The following ZNF577 variants were observed in gnomAD, a reference collection of about 807,000 sequenced individuals.
ZNF577 encodes zinc finger protein 577.
In ZNF577, 14 loss-of-function variants were observed where a neutral mutation model predicts 13.9. The ratio of observed to expected loss-of-function variants is 1.00; its 90% confidence interval spans 0.66 to 1.57. ZNF577 has a LOEUF of 1.57. ZNF577 is among the 40% of genes most tolerant of loss of function. The probability of loss-of-function intolerance (pLI) is 0.00; values close to 1 mark genes in which losing one functional copy is unlikely to be tolerated. For missense variants in ZNF577, 555 were observed against 579.2 expected, an observed-to-expected ratio of 0.96 and a Z score of 0.43; for synonymous variants, 203 against 202.9, an observed-to-expected ratio of 1.00 and a Z score of 0.00.
intron 9 of ZNF577, among the ~76,000 whole-genome samples, chr19:51,833,350 T>C (rs1191701697): frequency 6.6e-6 from 1 of 152,220 alleles, no homozygotes; most frequent in African/African-American, 2.4e-5. Flanking sequence ...AGAAAACCAT[T>C]CTTTCCCATT....
intron 9 of ZNF577, among the ~76,000 whole-genome samples, chr19:51,836,728 T>C: frequency 6.6e-6 from 1 of 152,136 alleles, no homozygotes; most frequent in Non-Finnish European, 1.5e-5. Context: ...TGCTAATAAA[T>C]GCAACAACAT....
In ZNF577 at chr19:51,877,410, G is replaced by A. The variant is rs757515159; in HGVS notation, c.188-33C>T. The A allele has an allele frequency of 4.4e-5, 69 of 1,560,204 alleles. 3 individuals carry two copies. In the South Asian group the frequency reaches 6.1e-4, roughly 14 times the overall value. ...TGGGAGATCACTGAACACTTGGCAC[G>A]TGTGCTTGGGGAATGGATGAAGATG... On this transcript the variant is annotated intron_variant, in intron 4 of 5. Coordinates refer to ENST00000638348, the MANE Select transcript of ZNF577 (RefSeq NM_001370449.1).
intron 5 of ZNF577, among the ~76,000 whole-genome samples, chr19:51,876,661 C>T (rs2084768969): frequency 6.6e-6 from 1 of 152,068 alleles, no homozygotes; most frequent in Admixed American, 6.5e-5. Context: ...GGCGCAGTGG[C>T]TCATGCCTGA....
At chr19:51,882,846 C>T (rs1174426727) in intron 1 of ZNF577, among the ~76,000 whole-genome samples, 1 of 151,954 alleles carries the variant, frequency 6.6e-6, no homozygotes, top group Non-Finnish European at 1.5e-5. Flanking sequence ...TGCTTCCAAA[C>T]CATTACAAGC....
At chr19:51,886,049 C>T (rs1431383020) in intron 1 of ZNF577, 1 of 151,970 alleles carries the variant, frequency 6.6e-6, no homozygotes, top group Non-Finnish European at 1.5e-5. Flanking sequence ...GAATGTGTAC[C>T]TTAGGATTTC....
intron 5 of ZNF577, among the ~76,000 whole-genome samples, chr19:51,846,526 A>AT (rs2084352819): frequency 6.6e-6 from 1 of 152,076 alleles, no homozygotes; most frequent in Non-Finnish European, 1.5e-5. Context: ...TGGCCAATAT[A>AT]GCAAAACCGT....
intron 9 of ZNF577, among the ~76,000 whole-genome samples, chr19:51,836,095 G>A (rs2084286107): frequency 6.6e-6 from 1 of 152,096 alleles, no homozygotes; most frequent in Admixed American, 6.6e-5. Context: ...TTGATGTCAT[G>A]GCAATAAATG....
In ZNF577 at chr19:51,872,741, T is replaced by G. The variant is rs761634180; in HGVS notation, c.1249A>C (p.Met417Leu). The G allele has an allele frequency of 3.7e-6, 6 of 1,614,178 alleles. No individual in the cohort carries two copies. The highest frequency in any genetic ancestry group is 5.1e-6 in the Non-Finnish European group (6 of 1,180,032). The change falls in exon 6 of 6, where the codon ATG becomes CTG. Residue 417 changes from methionine to leucine, a missense_variant. Physicochemically the swap from Met to Leu is conservative, Grantham distance 15. Transcript: ENST00000638348. The stretch of plus-strand genomic sequence containing the variant: ...AATGGCGGGGTTCCTGAGGAAGGCA[T>G]TTCTATAGGTACTGTGTTCACAGTC... ...QKTVNTVPIE[M>L]PSSGTPPLLN...
At chr19:51,856,621 C>T (rs7255924) in intron 5 of ZNF577, among the ~76,000 whole-genome samples, 57,143 of 151,724 alleles carry the variant, frequency 0.38, 11,831 homozygotes, top group African/African-American at 0.54. Flanking sequence ...CATACCCTTG[C>T]TTTCTTAAGT....
In ZNF577 at chr19:51,867,347, T is replaced by G. The variant is rs1337027503; in HGVS notation, c.*5185A>C. 6.6e-6 allele frequency among the ~76,000 whole-genome samples: 1 copy of G among 152,180 alleles called. No homozygotes were observed. Among genetic ancestry groups the G allele is most frequent in the East Asian group, 1.9e-4 (1 of 5,190 alleles). On this transcript the variant is annotated 3_prime_UTR_variant, in exon 6 of 6. Coordinates refer to ENST00000638348, the MANE Select transcript of ZNF577 (RefSeq NM_001370449.1). Reference sequence around the variant, plus strand: ...CATTTCTAAGGTATGATCTAGATATTGTCTTTTCTGATTCTGAACATCGGA... The same window carrying G: ...CATTTCTAAGGTATGATCTAGATATGGTCTTTTCTGATTCTGAACATCGGA...
intron 9 of ZNF577, among the ~76,000 whole-genome samples, chr19:51,834,521 T>C (rs1170061988): frequency 6.6e-6 from 1 of 152,044 alleles, no homozygotes; most frequent in Admixed American, 6.6e-5. Context: ...AAACCAGCAA[T>C]AACAACATAA....
At chr19:51,861,280 G>C (rs889654823) in intron 5 of ZNF577, 2 of 165,234 alleles carry the variant, frequency 1.2e-5, no homozygotes, top group Middle Eastern at 2.8e-3. Context: ...ACCACACCTG[G>C]CTATTTGTTT....
At chr19:51,873,759 C>T (rs10414763) in intron 5 of ZNF577, 53 bp from the exon 6 acceptor site, 181,431 of 1,334,750 alleles carry the variant, frequency 0.14, 15,638 homozygotes, top group South Asian at 0.33. Flanking sequence ...TGTGTCTTTA[C>T]ATTAAAGGAA....
intron 5 of ZNF577, among the ~76,000 whole-genome samples, chr19:51,855,356 T>C (rs965870569): frequency 1.4e-5 from 2 of 139,080 alleles, no homozygotes; most frequent in African/African-American, 2.7e-5. Flanking sequence ...TTCCACTCTT[T>C]GCTGAGGGTG....
chr19:51,824,308 C>T lies in ZNF577; in HGVS notation c.*600-12634G>A, dbSNP rs143850158. The stretch of plus-strand genomic sequence containing the variant: ...AACTTTGCATTCTGGGGTGACACTG[C>T]TGTAGAGAGGTTGAACGTGTTCATT... On this transcript the variant is annotated intron_variant and NMD_transcript_variant, in intron 9 of 10. Transcript: ENST00000638827. The surrounding 1 kb of genome is among the most constrained non-coding windows in gnomAD (Gnocchi z 4.7). The T allele has an allele frequency of 6.8e-6, 11 of 1,614,024 alleles. No individual in the cohort carries two copies. The African/African-American group carries it at 1.5e-4, about 22-fold the overall frequency.
intron 9 of ZNF577, among the ~76,000 whole-genome samples, chr19:51,837,752 T>C (rs1260036375): frequency 1.3e-5 from 2 of 152,072 alleles, no homozygotes; most frequent in Admixed American, 1.3e-4. Context: ...CAAAAAAACT[T>C]TGGAGTCAAT....
chr19:51,810,517 G>A (rs575607990), intron 10 of ZNF577, among the ~76,000 whole-genome samples: 74 of 152,262 alleles, frequency 4.9e-4, no homozygotes, highest in African/African-American at 1.7e-3. Context: ...GATAAGCAGC[G>A]TCTGGGAGTG....
intron 9 of ZNF577, among the ~76,000 whole-genome samples, chr19:51,833,005 C>T (rs951688664): frequency 4.6e-5 from 7 of 152,096 alleles, no homozygotes; most frequent in South Asian, 2.1e-4. Flanking sequence ...CTTTGCCTTT[C>T]GATATAAATT....
At chr19:51,865,825 A>C (rs559769867), downstream of ZNF577, among the ~76,000 whole-genome samples, 7 of 152,240 alleles carry the variant, frequency 4.6e-5, no homozygotes, top group Non-Finnish European at 8.8e-5. Context: ...GTTTGAAATT[A>C]AATATCACTG....
Sources: allele counts gnomAD v4.1 joint callset (sites outside exome capture counted in the v4.1 genomes callset), GRCh38; gene constraint gnomAD v4.1.1; non-coding constraint Gnocchi (gnomAD v3.1); transcripts MANE v1.5; gene names NCBI Gene and HGNC (gene_info 2026-07-23, HGNC 2026-07-21).